Variants in ANKS1B observed in about 807,000 individuals in gnomAD.
The protein encoded by ANKS1B is ankyrin repeat and sterile alpha motif domain-containing protein 1B.
In ANKS1B, 36 loss-of-function variants were observed where a neutral mutation model predicts 148.3. That is an observed-to-expected ratio of 0.24 (90% confidence interval 0.19 to 0.32). ANKS1B has a LOEUF of 0.32. Ranked by LOEUF, ANKS1B falls within the 10% of genes least tolerant of loss-of-function variation. The pLI is 1.00. For missense variants in ANKS1B, 1,157 were observed against 1,542.6 expected (o/e 0.75, Z 4.19); for synonymous variants, 542 against 560.8 (o/e 0.97, Z 0.47).
intron 8 of ANKS1B, among the ~76,000 whole-genome samples, chr12:99,671,311 C>G (rs891552297): frequency 6.6e-6 from 1 of 152,018 alleles, no homozygotes; most frequent in Non-Finnish European, 1.5e-5. Context: ...GCTTTCAGTG[C>G]TGATGTTTAC....
chr12:99,936,482 T>TA (rs1365549621), intron 1 of ANKS1B, among the ~76,000 whole-genome samples: 1 of 152,038 alleles, frequency 6.6e-6, no homozygotes, highest in Non-Finnish European at 1.5e-5. Context: ...CCCCATCTCT[T>TA]AAAAAAATGG....
chr12:99,000,723 A>G (rs1489184927), intron 17 of ANKS1B, among the ~76,000 whole-genome samples: 1 of 152,164 alleles, frequency 6.6e-6, no homozygotes, highest in African/African-American at 2.4e-5. Context: ...TGCATAACTG[A>G]AACTTCACCC....
chr12:99,113,072 TG>T (rs1267601240), intron 15 of ANKS1B, among the ~76,000 whole-genome samples: 1 of 152,236 alleles, frequency 6.6e-6, no homozygotes, highest in African/African-American at 2.4e-5. Flanking sequence ...CTCTTTAAAA[TG>T]TATCTTGAGA....
chr12:99,468,861 C>T (rs1184162009), intron 10 of ANKS1B, among the ~76,000 whole-genome samples: 8 of 152,138 alleles, frequency 5.3e-5, no homozygotes, highest in African/African-American at 1.9e-4. Context: ...ACTAGTTCAA[C>T]CATTGTGGAA....
At chr12:99,287,998 T>C (rs568665446) in intron 12 of ANKS1B, among the ~76,000 whole-genome samples, 60 of 152,124 alleles carry the variant, frequency 3.9e-4, no homozygotes, top group Admixed American at 1.1e-3. Flanking sequence ...GAAAGTTTAT[T>C]CAAAGGGATA....
chr12:99,632,117 T>C (rs2098167044), intron 9 of ANKS1B, among the ~76,000 whole-genome samples: 1 of 152,136 alleles, frequency 6.6e-6, no homozygotes, highest in African/African-American at 2.4e-5. Context: ...CCCCACACCC[T>C]TGCATGGTGC....
chr12:99,451,187 A>G (rs1163266323), intron 10 of ANKS1B, among the ~76,000 whole-genome samples: 4 of 152,226 alleles, frequency 2.6e-5, no homozygotes, highest in African/African-American at 4.8e-5. Context: ...CCCTTACTAC[A>G]TATTAATTAT....
At position 99,949,157 on chromosome 12, in the gene ANKS1B, T is replaced by C. The variant is rs183069222; in HGVS notation, c.134+34947A>G. On this transcript the variant is annotated intron_variant, in intron 1 of 26. Transcript: ENST00000683438. ...TACCAAGTATATTGTAGGGTACAGA[T>C]TCAAATTCAAGACTGACTCCAAACT... is the stretch of plus-strand genomic sequence containing the variant. Among the ~76,000 whole-genome samples, 556 of 152,230 alleles carry C rather than the reference T, an allele frequency of 3.7e-3. 5 individuals are homozygous for C. The highest frequency in any genetic ancestry group is 0.012 in the African/African-American group (511 of 41,538).
At chr12:99,369,853 T>C (rs201477473) in intron 12 of ANKS1B, among the ~76,000 whole-genome samples, 10 of 122,282 alleles carry the variant, frequency 8.2e-5, no homozygotes, top group East Asian at 2.7e-4. Context: ...CAGAGACAGA[T>C]AGATAGATAG....
chr12:99,558,526 G>A (rs1052097058), intron 9 of ANKS1B, among the ~76,000 whole-genome samples: 3 of 152,296 alleles, frequency 2.0e-5, no homozygotes, highest in South Asian at 2.1e-4. Context: ...AGGCTGTAGT[G>A]GGTGAGGTTG....
At chr12:99,648,342 A>C (rs758609015) in intron 9 of ANKS1B, 1 of 1,614,132 alleles carries the variant, frequency 6.2e-7, no homozygotes, top group Non-Finnish European at 8.5e-7. Context: ...TCAGCAAAAG[A>C]GGAGAAGTGA....
intron 12 of ANKS1B, among the ~76,000 whole-genome samples, chr12:99,288,767 G>A (rs974097066): frequency 1.3e-5 from 2 of 151,914 alleles, no homozygotes; most frequent in Non-Finnish European, 2.9e-5. Context: ...CCTACAACAG[G>A]TATAAAAATA....
At chr12:99,452,919 C>T (rs1031514286) in intron 10 of ANKS1B, among the ~76,000 whole-genome samples, 13 of 152,172 alleles carry the variant, frequency 8.5e-5, no homozygotes, top group Admixed American at 6.6e-5. Flanking sequence ...CCAATTGAGC[C>T]CCACCTCATG....
At chr12:99,177,065 A>T (rs1290629317) in intron 14 of ANKS1B, among the ~76,000 whole-genome samples, 1 of 152,200 alleles carries the variant, frequency 6.6e-6, no homozygotes, top group Admixed American at 6.5e-5. Flanking sequence ...CAAAGTACCA[A>T]TTTGTTCATC....
chr12:99,423,369 C>G (rs1275476894), intron 11 of ANKS1B, among the ~76,000 whole-genome samples: 1 of 152,126 alleles, frequency 6.6e-6, no homozygotes, highest in East Asian at 1.9e-4. Context: ...AAAAGGAACA[C>G]TCATACACTG....
chr12:99,792,958 A>G (rs2065842572), intron 4 of ANKS1B, among the ~76,000 whole-genome samples: 1 of 151,956 alleles, frequency 6.6e-6, no homozygotes, highest in Non-Finnish European at 1.5e-5. Flanking sequence ...TAAAGACTCC[A>G]CTGAAAAACT....
chr12:99,680,564 G>GA (rs1567629726), intron 8 of ANKS1B, among the ~76,000 whole-genome samples: 1 of 152,240 alleles, frequency 6.6e-6, no homozygotes, highest in Admixed American at 6.5e-5. Flanking sequence ...ACCACAGGGA[G>GA]AAAGAAACTT....
intron 14 of ANKS1B, among the ~76,000 whole-genome samples, chr12:99,217,111 T>C (rs2084328425): frequency 6.6e-6 from 1 of 152,166 alleles, no homozygotes; most frequent in Non-Finnish European, 1.5e-5. Context: ...GACTCAGACT[T>C]CAATGTGAGA....
intron 8 of ANKS1B, among the ~76,000 whole-genome samples, chr12:99,747,521 C>T (rs565374590): frequency 6.6e-6 from 1 of 152,276 alleles, no homozygotes. Flanking sequence ...TTTCACACTT[C>T]ACTTCCTGTT....
Sources: gnomAD v4.1 joint callset for allele counts (sites outside exome capture counted in the v4.1 genomes callset) on GRCh38, gnomAD v4.1.1 for gene constraint, MANE v1.5 for transcripts, NCBI Gene and HGNC (gene_info 2026-07-23, HGNC 2026-07-21) for gene names.